HEATR3: variants seen among roughly 807,000 people sequenced by gnomAD.
HEATR3 encodes HEAT repeat-containing protein 3.
A neutral mutation model predicts 72.8 loss-of-function variants in HEATR3; 56 were observed. The observed-to-expected ratio is 0.77, with a 90% CI of 0.62 to 0.96. The LOEUF is 0.96. Among genes scored for constraint, HEATR3 ranks in the 40% least tolerant of loss-of-function variants. HEATR3 has a pLI of 0.00. For synonymous variants in HEATR3, 331 were observed against 318.1 expected (o/e 1.04, Z -0.43); for missense variants, 747 against 831.4 (o/e 0.90, Z 1.25).
intron 7 of HEATR3, chr16:50,080,231 T>C (rs995929656): frequency 1.3e-5 from 2 of 152,084 alleles, no homozygotes; most frequent in African/African-American, 2.4e-5. Context: ...AAAATGTGGA[T>C]AGAACCACTT....
At chr16:50,082,080 G>C (rs957304589) in intron 7 of HEATR3, among the ~76,000 whole-genome samples, 1 of 152,116 alleles carries the variant, frequency 6.6e-6, no homozygotes, top group Non-Finnish European at 1.5e-5. Context: ...GGTGGCTCAC[G>C]CCTGTAATCC....
intron 11 of HEATR3, among the ~76,000 whole-genome samples, chr16:50,094,223 G>A (rs2037180211): frequency 6.6e-6 from 1 of 152,240 alleles, no homozygotes; most frequent in Non-Finnish European, 1.5e-5. Context: ...GGAAGGGGAT[G>A]CTGGGTCAGT....
At chr16:50,068,234 A>T (rs771143395) in intron 2 of HEATR3, among the ~76,000 whole-genome samples, 3 of 152,126 alleles carry the variant, frequency 2.0e-5, no homozygotes, top group Non-Finnish European at 4.4e-5. Flanking sequence ...TCCAATTAAA[A>T]TTTACCCAGG....
In HEATR3 at chr16:50,080,029, G is replaced by A. The variant is rs2036832042; in HGVS notation, c.1041+1011G>A. 2.0e-5 allele frequency: 3 copies of A among 152,662 alleles called. No individual in the cohort carries two copies. In the South Asian group the frequency reaches 6.2e-4, roughly 32 times the overall value. 9.5% of individuals were successfully genotyped at this position (152,662 alleles called of 1,614,324 possible). On this transcript the variant is annotated intron_variant, in intron 7 of 14. Coordinates refer to ENST00000299192, the MANE Select transcript of HEATR3 (RefSeq NM_182922.4). ...TAAAGGAGGGGGTGAGAAAAAGCAG[G>A]TTAGTGTTTGGAGAGATCACTCAGG...
chr16:50,104,220 T>C, intron 14 of HEATR3, among the ~76,000 whole-genome samples: 1 of 152,024 alleles, frequency 6.6e-6, no homozygotes. Context: ...AGCATGGTAG[T>C]GCGCTGCTTG....
At chr16:50,066,810 C>A (rs1244297912) in intron 2 of HEATR3, 2 of 364,986 alleles carry the variant, frequency 5.5e-6, no homozygotes, top group Non-Finnish European at 9.7e-6. Context: ...CTCCAAAAGC[C>A]CTCCTTAGGG....
chr16:50,095,088 A>T (rs1306661176), intron 12 of HEATR3, among the ~76,000 whole-genome samples: 1 of 151,964 alleles, frequency 6.6e-6, no homozygotes, highest in East Asian at 1.9e-4. Flanking sequence ...TGTTGTAAAT[A>T]ATTTCTCTAT....
chr16:50,086,771 C>G (rs1463483092), intron 11 of HEATR3, among the ~76,000 whole-genome samples: 1 of 151,980 alleles, frequency 6.6e-6, no homozygotes, highest in African/African-American at 2.4e-5. Context: ...TACTAAAATA[C>G]AAAACTTTAA....
At chr16:50,085,225 G>A (rs2036963417) in intron 10 of HEATR3, among the ~76,000 whole-genome samples, 1 of 152,172 alleles carries the variant, frequency 6.6e-6, no homozygotes, top group African/African-American at 2.4e-5. Flanking sequence ...GGGTCCAGCA[G>A]TGTTAATTTC....
chr16:50,076,480 G>C (rs141132541), intron 6 of HEATR3, among the ~76,000 whole-genome samples: 238 of 152,206 alleles, frequency 1.6e-3, no homozygotes, highest in African/African-American at 5.7e-3. Context: ...GAGCCACTGC[G>C]CCTGGCCTGT....
intron 2 of HEATR3, 66 bp from the exon 3 acceptor site, chr16:50,068,714 G>A: frequency 1.3e-6 from 1 of 757,142 alleles, no homozygotes; most frequent in Non-Finnish European, 2.1e-6. Flanking sequence ...ATAGAAATGT[G>A]AGAGGGTAGA....
intron 13 of HEATR3, among the ~76,000 whole-genome samples, chr16:50,101,827 G>A (rs1196067427): frequency 1.3e-5 from 2 of 152,148 alleles, no homozygotes; most frequent in South Asian, 2.1e-4. Context: ...CGACCCTCCC[G>A]CCTTAGCCTC....
At chr16:50,102,676 TAA>T (rs1260919227) in intron 14 of HEATR3, among the ~76,000 whole-genome samples, 1 of 152,258 alleles carries the variant, frequency 6.6e-6, no homozygotes, top group East Asian at 1.9e-4. Context: ...TTAAGTTTAG[TAA>T]TTTTGACAAT....
intron 7 of HEATR3, among the ~76,000 whole-genome samples, chr16:50,081,516 G>C (rs1024190119): frequency 6.6e-6 from 1 of 151,994 alleles, no homozygotes; most frequent in Non-Finnish European, 1.5e-5. Context: ...GTGGTGGGGC[G>C]GGGGGTAGAG....
chr16:50,067,181 C>T (rs1050484715), intron 2 of HEATR3, among the ~76,000 whole-genome samples: 8 of 151,920 alleles, frequency 5.3e-5, no homozygotes, highest in African/African-American at 1.9e-4. Flanking sequence ...TAGCAAGACC[C>T]CGTCTGTAGA....
chr16:50,086,482 T>A, intron 11 of HEATR3, 131 bp downstream of exon 11: 1 of 980,164 alleles, frequency 1.0e-6, no homozygotes, highest in Non-Finnish European at 1.5e-6. Flanking sequence ...AGGAATCATG[T>A]ATTTATAGTT....
chr16:50,095,425 T>A (rs2037213021), intron 12 of HEATR3, among the ~76,000 whole-genome samples: 1 of 95,146 alleles, frequency 1.1e-5, no homozygotes, highest in South Asian at 3.8e-4. Context: ...TTTTTTTTTT[T>A]TAACATTTCA....
intron 11 of HEATR3, among the ~76,000 whole-genome samples, chr16:50,089,815 C>T (rs1181001078): frequency 1.3e-5 from 2 of 151,934 alleles, no homozygotes; most frequent in African/African-American, 2.4e-5. Context: ...ATTACAGGTG[C>T]CTGCCAATGC....
intron 11 of HEATR3, among the ~76,000 whole-genome samples, chr16:50,089,165 A>AAGCACTTTGATTTTAAAT (rs1243533057): frequency 6.6e-6 from 1 of 152,120 alleles, no homozygotes; most frequent in East Asian, 1.9e-4. Flanking sequence ...AAATATAACT[A>AAGCACTTTGATTTTAAAT]AGCACTTTGA....
Sources: allele counts gnomAD v4.1 joint callset (sites outside exome capture counted in the v4.1 genomes callset), GRCh38; gene constraint gnomAD v4.1.1; transcripts MANE v1.5; gene names NCBI Gene and HGNC (gene_info 2026-07-23, HGNC 2026-07-21).